The following OPCML variants were observed in gnomAD, a reference collection of about 807,000 sequenced individuals.
OPCML encodes the protein opioid binding protein/cell adhesion molecule like.
In OPCML, 13 loss-of-function variants were observed where a neutral mutation model predicts 37.8. That is an observed-to-expected ratio of 0.34 (90% CI 0.22 to 0.55). OPCML has a LOEUF of 0.55. Among genes scored for constraint, OPCML ranks in the 20% least tolerant of loss-of-function variants. The pLI is 0.91. For missense variants in OPCML, 341 were observed against 435.6 expected, an observed-to-expected ratio of 0.78 and a Z score of 1.93; for synonymous variants, 176 against 168.8, an observed-to-expected ratio of 1.04 and a Z score of -0.33.
chr11:132,484,883 A>G (rs1445927420), intron 4 of OPCML, among the ~76,000 whole-genome samples: 5 of 152,204 alleles, frequency 3.3e-5, no homozygotes, highest in Non-Finnish European at 5.9e-5. Context: ...ACACATGGAC[A>G]CAGGAAGGGG....
At chr11:132,948,631 T>G (rs1256794418) in intron 1 of OPCML, among the ~76,000 whole-genome samples, 2 of 152,154 alleles carry the variant, frequency 1.3e-5, no homozygotes, top group Non-Finnish European at 2.9e-5. Flanking sequence ...TTTCCAGAAT[T>G]AGCAAGACCT....
chr11:132,422,464 C>T (rs1422761582), intron 7 of OPCML, among the ~76,000 whole-genome samples: 2 of 152,116 alleles, frequency 1.3e-5, no homozygotes, highest in Non-Finnish European at 2.9e-5. Flanking sequence ...GGTTTACAGT[C>T]ATATTCAGCT....
chr11:133,213,369 C>A (rs1489864262), intron 1 of OPCML, among the ~76,000 whole-genome samples: 1 of 151,850 alleles, frequency 6.6e-6, no homozygotes, highest in East Asian at 1.9e-4. Context: ...TCATACATAA[C>A]CTCATTGCAT....
At chr11:132,466,317 CAAAA>C (rs35491939) in intron 4 of OPCML, among the ~76,000 whole-genome samples, 3 of 105,280 alleles carry the variant, frequency 2.8e-5, no homozygotes, top group African/African-American at 3.3e-5. Flanking sequence ...ACTAAAAATA[CAAAA>C]AAAAAAAAAA....
chr11:133,371,359 G>T (rs1490189964), intron 1 of OPCML, among the ~76,000 whole-genome samples: 1 of 152,214 alleles, frequency 6.6e-6, no homozygotes, highest in Non-Finnish European at 1.5e-5. Flanking sequence ...ACCTGCACTT[G>T]CATGTTTATT....
At chr11:133,453,714 CA>C (rs139392577) in intron 1 of OPCML, among the ~76,000 whole-genome samples, 2,871 of 152,266 alleles carry the variant, frequency 0.019, 39 homozygotes, top group African/African-American at 0.029. Context: ...CTTGAATCCT[CA>C]AAATGTTTTT....
At chr11:132,941,346 G>A (rs1397090980) in intron 2 of OPCML, among the ~76,000 whole-genome samples, 1 of 152,120 alleles carries the variant, frequency 6.6e-6, no homozygotes, top group African/African-American at 2.4e-5. Flanking sequence ...GAAAATTCAC[G>A]ACTGAGATCC....
At chr11:132,977,168 G>C (rs1025715691) in intron 1 of OPCML, among the ~76,000 whole-genome samples, 6 of 152,196 alleles carry the variant, frequency 3.9e-5, no homozygotes, top group African/African-American at 1.2e-4. Context: ...ACATGTGAAA[G>C]TGTTTTGTCA....
At chr11:132,571,295 G>A (rs559939430) in intron 3 of OPCML, among the ~76,000 whole-genome samples, 270 of 152,132 alleles carry the variant, frequency 1.8e-3, no homozygotes, top group Non-Finnish European at 3.6e-3. Flanking sequence ...AGACACTACT[G>A]GCTTCTTTCT....
At chr11:133,524,850 G>A (rs1015302149) in intron 1 of OPCML, among the ~76,000 whole-genome samples, 1 of 152,218 alleles carries the variant, frequency 6.6e-6, no homozygotes, top group Non-Finnish European at 1.5e-5. Flanking sequence ...ACAAGCTGCT[G>A]GGCAGGCCAA....
intron 1 of OPCML, among the ~76,000 whole-genome samples, chr11:133,494,949 G>T (rs1434453577): frequency 6.6e-6 from 1 of 151,970 alleles, no homozygotes; most frequent in Non-Finnish European, 1.5e-5. Flanking sequence ...GGTACAGGTG[G>T]TATTTGGTTA....
intron 1 of OPCML, among the ~76,000 whole-genome samples, chr11:133,054,679 G>A (rs11223342): frequency 0.3 from 46,225 of 152,002 alleles, 7,706 homozygotes; most frequent in South Asian, 0.42. Context: ...TTCTCAGTCT[G>A]CTCTCTCCTC....
chr11:132,703,726 A>T (rs1793289), intron 2 of OPCML, among the ~76,000 whole-genome samples: 13,088 of 152,200 alleles, frequency 0.086, 664 homozygotes, highest in Non-Finnish European at 0.11. Context: ...GCCTGTGTCC[A>T]CTGAGGGCAG....
chr11:133,079,782 G>A (rs1948680851), intron 1 of OPCML, among the ~76,000 whole-genome samples: 1 of 152,002 alleles, frequency 6.6e-6, no homozygotes, highest in Non-Finnish European at 1.5e-5. Flanking sequence ...GGACCTATAT[G>A]TTCCCCAAGG....
rs1363153150 is a variant in OPCML at position 132,669,946 on chromosome 11, A to G, written c.147-12627T>C. On this transcript the variant is annotated intron_variant, in intron 2 of 7. Transcript: ENST00000524381. ...CCACTGACTAGTCAGGGATGCCTTA[A>G]GAAGCCACCCAGAACAATTCTTGTT... 3.3e-5 allele frequency among the ~76,000 whole-genome samples: 5 copies of G among 152,238 alleles called. No individual in the cohort carries two copies. In the East Asian group the frequency reaches 9.7e-4, roughly 30 times the overall value.
intron 2 of OPCML, among the ~76,000 whole-genome samples, chr11:132,890,104 A>G (rs1943583861): frequency 6.6e-6 from 1 of 152,232 alleles, no homozygotes; most frequent in African/African-American, 2.4e-5. Flanking sequence ...TCTACTTGCT[A>G]TGCCTTCTTC....
intron 1 of OPCML, among the ~76,000 whole-genome samples, chr11:133,493,742 T>C (rs564224011): frequency 6.6e-6 from 1 of 152,328 alleles, no homozygotes; most frequent in East Asian, 1.9e-4. Context: ...TAAGAGTTTT[T>C]TAATGTTTTA....
intron 4 of OPCML, among the ~76,000 whole-genome samples, chr11:132,522,234 A>G (rs966495656): frequency 6.6e-6 from 1 of 152,228 alleles, no homozygotes; most frequent in Non-Finnish European, 1.5e-5. Context: ...CCAATGAAGG[A>G]CATTTGCCTT....
At chr11:132,519,601 C>T (rs1483999811) in intron 4 of OPCML, among the ~76,000 whole-genome samples, 1 of 152,060 alleles carries the variant, frequency 6.6e-6, no homozygotes, top group Non-Finnish European at 1.5e-5. Context: ...TATGGGTACC[C>T]ATATGGCGAA....
Sources: allele counts gnomAD v4.1 joint callset (sites outside exome capture counted in the v4.1 genomes callset), GRCh38; gene constraint gnomAD v4.1.1; transcripts MANE v1.5; gene names NCBI Gene and HGNC (gene_info 2026-07-23, HGNC 2026-07-21).